Variants in NCKAP1 observed in about 807,000 individuals in gnomAD.
The protein encoded by NCKAP1 is nck-associated protein 1.
Under a neutral mutation model 151.2 loss-of-function variants are expected in NCKAP1, and 21 were observed. That is an observed-to-expected ratio of 0.14 (90% confidence interval 0.10 to 0.20). NCKAP1 has a LOEUF of 0.20. Ranked by LOEUF, NCKAP1 falls within the 10% of genes least tolerant of loss-of-function variation. NCKAP1 has a pLI of 1.00. For synonymous variants in NCKAP1, 484 were observed against 451.8 expected (o/e 1.07, Z -0.90); for missense variants, 933 against 1,352.1 (o/e 0.69, Z 4.86).
intron 6 of NCKAP1, 35 bp downstream of exon 6, chr2:183,001,918 C>A (rs1698381548): frequency 6.5e-7 from 1 of 1,545,642 alleles, no homozygotes. Context: ...ATGTTATATG[C>A]CCATTCTCTC....
chr2:182,978,779 C>G (rs1697877493), intron 14 of NCKAP1, 55 bp downstream of exon 14: 16 of 1,051,936 alleles, frequency 1.5e-5, no homozygotes, highest in Non-Finnish European at 2.2e-5. Context: ...CCTTAATAAT[C>G]AAGTTTGAAA....
chr2:182,990,882 CTTCT>C (rs1698155356), intron 8 of NCKAP1, among the ~76,000 whole-genome samples: 1 of 152,188 alleles, frequency 6.6e-6, no homozygotes, highest in Non-Finnish European at 1.5e-5. Context: ...ACATATTTAA[CTTCT>C]TTGACTTGAA....
intron 10 of NCKAP1, among the ~76,000 whole-genome samples, chr2:182,985,341 A>ATT (rs1698031476): frequency 6.6e-6 from 1 of 152,206 alleles, no homozygotes; most frequent in African/African-American, 2.4e-5. Flanking sequence ...AATATTCTAT[A>ATT]TTAAGTATAT....
In NCKAP1 at chr2:182,949,954, G is replaced by C. The variant is rs552078063; in HGVS notation, c.2601+2451C>G. ...ACATGAACAAATACACTGCATGAGA[G>C]GTCACAATTAAGATACACATACAGC... On this transcript the variant is annotated intron_variant, in intron 23 of 30. Coordinates refer to ENST00000361354, the MANE Select transcript of NCKAP1 (RefSeq NM_013436.5). Among the ~76,000 whole-genome samples the C allele has an allele frequency of 5.9e-5, 9 of 152,274 alleles. No individual in the cohort carries two copies. The South Asian group carries it at 6.2e-4, about 11-fold the overall frequency.
rs946915990 is a variant in NCKAP1 at position 182,928,278 on chromosome 2, T to C, written c.3071-52A>G. 5 of 1,269,122 alleles carry C rather than the reference T, an allele frequency of 3.9e-6. No individual in the cohort carries two copies. In the African/African-American group the frequency reaches 4.5e-5, roughly 11 times the overall value. 78.6% of individuals were successfully genotyped at this position (1,269,122 alleles called of 1,614,324 possible). ...AGACCCCAAAATAGCAAATAATACATAGAAGGCAAATCTTTAATGACTTCA... is the reference window on the plus strand; with the variant it reads ...AGACCCCAAAATAGCAAATAATACACAGAAGGCAAATCTTTAATGACTTCA... On this transcript the variant is annotated intron_variant, in intron 28 of 30. Coordinates refer to ENST00000361354, the MANE Select transcript of NCKAP1 (RefSeq NM_013436.5).
intron 1 of NCKAP1, chr2:183,024,832 G>T: frequency 1.4e-6 from 1 of 736,370 alleles, no homozygotes; most frequent in Non-Finnish European, 2.2e-6. Flanking sequence ...TGTCTGCCAT[G>T]TGTGAGGAAA....
chr2:182,998,932 T>C (rs945895072), intron 6 of NCKAP1, among the ~76,000 whole-genome samples: 3 of 148,140 alleles, frequency 2.0e-5, no homozygotes, highest in Non-Finnish European at 3.0e-5. Context: ...GGAATACACC[T>C]ATACACCTAA....
At chr2:182,993,346 C>T (rs1271258680) in intron 8 of NCKAP1, among the ~76,000 whole-genome samples, 2 of 152,046 alleles carry the variant, frequency 1.3e-5, no homozygotes, top group African/African-American at 4.8e-5. Context: ...GGATGCAGAA[C>T]CCCAGGATAT....
At chr2:182,926,658 G>A (rs2105796070) in intron 30 of NCKAP1, among the ~76,000 whole-genome samples, 158 bp downstream of exon 30, 1 of 152,154 alleles carries the variant, frequency 6.6e-6, no homozygotes, top group Admixed American at 6.6e-5. Flanking sequence ...TAAAATATGA[G>A]TGATGTCAGT....
At chr2:182,931,710 A>G (rs1283243160) in intron 26 of NCKAP1, among the ~76,000 whole-genome samples, 1 of 152,122 alleles carries the variant, frequency 6.6e-6, no homozygotes, top group Non-Finnish European at 1.5e-5. Context: ...CAACCTATAG[A>G]ATTAGAGAAA....
intron 2 of NCKAP1, among the ~76,000 whole-genome samples, chr2:183,009,893 T>G (rs547766019): frequency 3.9e-5 from 6 of 152,190 alleles, no homozygotes; most frequent in African/African-American, 1.4e-4. Flanking sequence ...TACAATGACA[T>G]AAAAGTAGCG....
chr2:182,964,187 C>CTG (rs959709892), intron 17 of NCKAP1, among the ~76,000 whole-genome samples: 1 of 152,028 alleles, frequency 6.6e-6, no homozygotes, highest in Non-Finnish European at 1.5e-5. Context: ...TACTCTGCAA[C>CTG]TGTGTGTGTG....
rs1697933024 is a variant in NCKAP1 at position 182,981,318 on chromosome 2, C to T, written c.1267G>A (p.Gly423Arg). ...EELRAHVRKY[G>R]PVMQRYYVQY... ...ACGTAATACCTCTGCATTACAGGTC[C>T]GTATTTCCTCACATGTGCTCTAAGT... is the stretch of plus-strand genomic sequence containing the variant. Residue 423 changes from glycine (G) to arginine (R), a missense_variant, in exon 13 of 31, where the codon GGA becomes AGA. Physicochemically the swap from Gly to Arg is moderately radical, Grantham distance 125. Transcript: ENST00000361354. 1.2e-6 allele frequency: 2 copies of T among 1,613,410 alleles called. No homozygotes were observed. The highest frequency in any genetic ancestry group is 1.7e-6 in the Non-Finnish European group (2 of 1,179,454).
intron 24 of NCKAP1, among the ~76,000 whole-genome samples, chr2:182,941,332 A>G (rs935981047): frequency 6.6e-6 from 1 of 152,218 alleles, no homozygotes. Context: ...TACCTCCCAC[A>G]AAGAATCAAT....
intron 18 of NCKAP1, among the ~76,000 whole-genome samples, chr2:182,958,927 T>C (rs1697381592): frequency 6.6e-6 from 1 of 152,214 alleles, no homozygotes; most frequent in African/African-American, 2.4e-5. Flanking sequence ...TAATAAAAAC[T>C]ATACAATATT....
rs1477507805 is a variant in NCKAP1, at chr2:182,956,501, C to T, written c.2114G>A (p.Arg705Gln). The change falls in exon 20 of 31, where the codon CGA becomes CAA. Residue 705 changes from arginine to glutamine, a missense_variant. Arg to Gln is a conservative substitution (Grantham distance 43). Around this residue, in one of 2 missense-constraint regions of NCKAP1, gnomAD observed 326 missense variants for 557.1 expected, o/e 0.59. Transcript: ENST00000361354. The stretch of plus-strand genomic sequence containing the variant: ...TTCCAGATGAGAAGTCAAATATTCT[C>T]GTGGGGTAAAGGTATGTTCCCATAC... ...MVVWEHTFTP[R>Q]EYLTSHLEIR... is the part of the protein sequence containing the mutation. The T allele has an allele frequency of 1.9e-6, 3 of 1,611,018 alleles. No homozygotes were observed. Among genetic ancestry groups the T allele is most frequent in the Non-Finnish European group, 1.7e-6 (2 of 1,178,698 alleles).
Position 183,038,108 on chromosome 2 carries a change from T to G in NCKAP1, c.-9A>C, listed in dbSNP as rs954421908. On this transcript the variant is annotated 5_prime_UTR_variant, in exon 1 of 31. Coordinates refer to ENST00000361354, the MANE Select transcript of NCKAP1 (RefSeq NM_013436.5). ...AGCACTGAGCGCGACATGGTGGTGCTGGTGCCGCCGCCGCCGCCGGCCGCC... is the reference window on the plus strand; with the variant it reads ...AGCACTGAGCGCGACATGGTGGTGCGGGTGCCGCCGCCGCCGCCGGCCGCC... 1.9e-5 allele frequency: 29 copies of G among 1,545,428 alleles called. No individual in the cohort carries two copies. The highest frequency in any genetic ancestry group is 2.4e-5 in the Non-Finnish European group (28 of 1,155,922).
intron 2 of NCKAP1, among the ~76,000 whole-genome samples, chr2:183,006,712 T>C (rs2105879633): frequency 6.6e-6 from 1 of 152,278 alleles, no homozygotes; most frequent in East Asian, 1.9e-4. Context: ...ATTATTAATA[T>C]CTAGAACCAA....
At position 182,911,021 on chromosome 2, in the gene NCKAP1, T is replaced by C. The variant is rs1361660829; in HGVS notation, c.*14681A>G. 7.1e-6 allele frequency: 1 copy of C among 139,972 alleles called. No individual in the cohort carries two copies. Among genetic ancestry groups the C allele is most frequent in the African/African-American group, 2.6e-5 (1 of 39,148 alleles). The allele number at this position is 139,972 out of a possible 1,614,324, so 8.7% of individuals were successfully genotyped here. A position where few individuals can be genotyped will look rare whatever the true frequency, so the allele number is the denominator to read the frequency against. On this transcript the variant is annotated 3_prime_UTR_variant, in exon 31 of 31. Transcript: ENST00000361354. ...CTTCAGGGAAACCTTAAAAACTGAG[T>C]TCCCGGCCATGATGGGATGGGAGGT...
Sources: gnomAD v4.1 joint callset for allele counts (sites outside exome capture counted in the v4.1 genomes callset) on GRCh38, gnomAD v4.1.1 for gene constraint, gnomAD v4.1.1 regional missense constraint, MANE v1.5 for transcripts, NCBI Gene and HGNC (gene_info 2026-07-23, HGNC 2026-07-21) for gene names.